CNTN5: variants seen among roughly 807,000 people sequenced by gnomAD.
CNTN5 encodes the protein contactin 5.
In CNTN5, 77 loss-of-function variants were observed where a neutral mutation model predicts 129.1. That is an observed-to-expected ratio of 0.60 (90% CI 0.50 to 0.72). The LOEUF (loss-of-function observed/expected upper bound fraction) is 0.72. Ranked by LOEUF, CNTN5 falls within the 30% of genes least tolerant of loss-of-function variation. CNTN5 has a pLI of 0.00. For missense variants in CNTN5, 1,478 were observed against 1,328.8 expected (o/e 1.11, Z -1.75); for synonymous variants, 509 against 465.6 (o/e 1.09, Z -1.20).
intron 6 of CNTN5, among the ~76,000 whole-genome samples, chr11:99,909,049 C>T (rs1949585524): frequency 6.6e-6 from 1 of 152,078 alleles, no homozygotes; most frequent in Non-Finnish European, 1.5e-5. Flanking sequence ...CTTCCTCTTT[C>T]TCCAGCTGAA....
At chr11:99,715,674 T>C (rs1020983890) in intron 3 of CNTN5, among the ~76,000 whole-genome samples, 5 of 152,042 alleles carry the variant, frequency 3.3e-5, no homozygotes, top group African/African-American at 7.2e-5. Flanking sequence ...TAACATGGTA[T>C]ATCATCATCT....
intron 3 of CNTN5, among the ~76,000 whole-genome samples, chr11:99,746,642 T>C (rs1944064605): frequency 6.6e-6 from 1 of 152,164 alleles, no homozygotes; most frequent in Non-Finnish European, 1.5e-5. Context: ...GCACTCCTTA[T>C]GAGAATCTAA....
chr11:99,040,710 G>C (rs1863952069), intron 1 of CNTN5, among the ~76,000 whole-genome samples: 1 of 152,088 alleles, frequency 6.6e-6, no homozygotes, highest in Non-Finnish European at 1.5e-5. Flanking sequence ...AATATTAGTA[G>C]TGTTTCAACC....
At chr11:99,186,935 G>T (rs1232537256) in intron 1 of CNTN5, among the ~76,000 whole-genome samples, 3 of 151,968 alleles carry the variant, frequency 2.0e-5, no homozygotes, top group Non-Finnish European at 4.4e-5. Context: ...AGTAGATAGA[G>T]AAATGAGGGT....
intron 2 of CNTN5, among the ~76,000 whole-genome samples, chr11:99,420,459 T>C (rs969156899): frequency 6.6e-6 from 1 of 152,304 alleles, no homozygotes; most frequent in Admixed American, 6.5e-5. Flanking sequence ...AGAATTTTCA[T>C]ACATAATGTC....
intron 13 of CNTN5, among the ~76,000 whole-genome samples, chr11:100,148,779 AG>A (rs1361008524): frequency 6.6e-6 from 1 of 152,198 alleles, no homozygotes; most frequent in South Asian, 2.1e-4. Flanking sequence ...TATAGGGAGT[AG>A]TCTATGCTCT....
chr11:99,134,581 G>A (rs1859122243), intron 1 of CNTN5, among the ~76,000 whole-genome samples: 1 of 152,200 alleles, frequency 6.6e-6, no homozygotes, highest in African/African-American at 2.4e-5. Flanking sequence ...ATTTGGCACT[G>A]TGGATCAAGT....
chr11:99,651,644 C>T lies in CNTN5; in HGVS notation c.55+95375C>T, dbSNP rs114223562. 8.1e-3 allele frequency among the ~76,000 whole-genome samples: 1,225 copies of T among 151,924 alleles called. 14 individuals carry two copies. The highest frequency in any genetic ancestry group is 0.028 in the African/African-American group (1,141 of 41,466). On this transcript the variant is annotated intron_variant, in intron 3 of 24. Transcript: ENST00000524871. Reference sequence around the variant, plus strand: ...GGAGAACAGACTGGTTTAAAAAACCCATCTAGTTAAAATAAAATGAAGTGT... The same window carrying T: ...GGAGAACAGACTGGTTTAAAAAACCTATCTAGTTAAAATAAAATGAAGTGT...
chr11:99,238,803 G>A (rs1362305143), intron 1 of CNTN5, among the ~76,000 whole-genome samples: 1 of 152,072 alleles, frequency 6.6e-6, no homozygotes, highest in Non-Finnish European at 1.5e-5. Context: ...TTATCAAATA[G>A]ATGGTTTACA....
chr11:99,799,800 G>A (rs1480662573), intron 3 of CNTN5, among the ~76,000 whole-genome samples: 1 of 151,816 alleles, frequency 6.6e-6, no homozygotes, highest in Admixed American at 6.6e-5. Flanking sequence ...TGAATTTTTT[G>A]GAAAAAATTG....
At chr11:99,314,187 A>T (rs1865237989) in intron 1 of CNTN5, among the ~76,000 whole-genome samples, 2 of 152,068 alleles carry the variant, frequency 1.3e-5, no homozygotes, top group Admixed American at 1.3e-4. Context: ...CATAATATAT[A>T]AAAAATTATG....
intron 3 of CNTN5, among the ~76,000 whole-genome samples, chr11:99,592,679 G>C (rs1591330552): frequency 6.6e-6 from 1 of 152,098 alleles, no homozygotes; most frequent in African/African-American, 2.4e-5. Flanking sequence ...CAAGATATAA[G>C]AGTAACTAAG....
intron 4 of CNTN5, among the ~76,000 whole-genome samples, chr11:99,834,678 C>T (rs963287215): frequency 2.0e-5 from 3 of 152,112 alleles, no homozygotes; most frequent in African/African-American, 7.2e-5. Context: ...GATTTAAAAA[C>T]TTTGAGAACT....
At chr11:100,271,987 T>C (rs1208587898) in intron 18 of CNTN5, among the ~76,000 whole-genome samples, 1 of 152,170 alleles carries the variant, frequency 6.6e-6, no homozygotes, top group Non-Finnish European at 1.5e-5. Context: ...CCCTCTAATG[T>C]TGTATATTAA....
chr11:100,075,820 T>C (rs1043161204), intron 13 of CNTN5, among the ~76,000 whole-genome samples: 11 of 152,070 alleles, frequency 7.2e-5, no homozygotes, highest in Non-Finnish European at 1.5e-4. Flanking sequence ...TTTCTATCAT[T>C]CTCTTCAGTA....
intron 3 of CNTN5, among the ~76,000 whole-genome samples, chr11:99,812,239 G>T (rs558529285): frequency 6.4e-4 from 97 of 152,148 alleles, no homozygotes; most frequent in African/African-American, 1.7e-3. Flanking sequence ...TTTTCTTTTA[G>T]AATTTGTTTT....
intron 3 of CNTN5, among the ~76,000 whole-genome samples, chr11:99,643,104 G>GAT (rs1951829398): frequency 6.6e-6 from 1 of 151,982 alleles, no homozygotes; most frequent in African/African-American, 2.4e-5. Context: ...ATTTCCTTTG[G>GAT]ATATATAAGG....
At chr11:99,035,134 A>T (rs2135110528) in intron 1 of CNTN5, among the ~76,000 whole-genome samples, 1 of 151,140 alleles carries the variant, frequency 6.6e-6, no homozygotes, top group Non-Finnish European at 1.5e-5. Context: ...GGTCTGAGAG[A>T]TAGTTTGTTA....
chr11:100,334,188 A>T (rs372315596), intron 21 of CNTN5, among the ~76,000 whole-genome samples: 44 of 152,234 alleles, frequency 2.9e-4, no homozygotes, highest in Admixed American at 1.4e-3. Context: ...AATGCTCAAC[A>T]TCACTAATGA....
Sources: gnomAD v4.1 joint callset for allele counts (sites outside exome capture counted in the v4.1 genomes callset) on GRCh38, gnomAD v4.1.1 for gene constraint, MANE v1.5 for transcripts, NCBI Gene and HGNC (gene_info 2026-07-23, HGNC 2026-07-21) for gene names.